CDK14: variants seen among roughly 807,000 people sequenced by gnomAD.
CDK14 encodes cyclin-dependent kinase 14.
A neutral mutation model predicts 60.7 loss-of-function variants in CDK14; 34 were observed. The observed-to-expected ratio is 0.56, with a 90% CI of 0.43 to 0.75. CDK14 has a LOEUF of 0.75. Among genes scored for constraint, CDK14 ranks in the 30% least tolerant of loss-of-function variants. The probability of loss-of-function intolerance (pLI) is 0.00; values close to 1 mark genes in which losing one functional copy is unlikely to be tolerated. For missense variants in CDK14, 482 were observed against 564.1 expected, an observed-to-expected ratio of 0.85 and a Z score of 1.47; for synonymous variants, 197 against 203.7, an observed-to-expected ratio of 0.97 and a Z score of 0.28.
chr7:90,918,944 A>C (rs770127205), intron 8 of CDK14, among the ~76,000 whole-genome samples: 12 of 152,330 alleles, frequency 7.9e-5, no homozygotes, highest in Non-Finnish European at 1.8e-4. Flanking sequence ...TACTTTGATA[A>C]AAATGATGAA....
intron 3 of CDK14, among the ~76,000 whole-genome samples, chr7:90,736,778 T>C (rs1803132548): frequency 6.6e-6 from 1 of 152,120 alleles, no homozygotes; most frequent in Non-Finnish European, 1.5e-5. Flanking sequence ...GGAAATACTG[T>C]GGTAGAAACT....
At chr7:90,681,456 C>T (rs540280060) in intron 2 of CDK14, among the ~76,000 whole-genome samples, 5 of 152,256 alleles carry the variant, frequency 3.3e-5, no homozygotes, top group Admixed American at 2.6e-4. Context: ...ATGGGATGAA[C>T]GGGTCCTTTA....
At chr7:90,732,586 G>T (rs1489296498) in intron 3 of CDK14, among the ~76,000 whole-genome samples, 1 of 152,144 alleles carries the variant, frequency 6.6e-6, no homozygotes, top group African/African-American at 2.4e-5. Context: ...TATGTGTCCA[G>T]GAATTTATCC....
intron 12 of CDK14, among the ~76,000 whole-genome samples, chr7:91,105,044 A>G (rs1799247461): frequency 6.6e-6 from 1 of 152,232 alleles, no homozygotes; most frequent in Admixed American, 6.5e-5. Flanking sequence ...TCCTAGTACT[A>G]AAAGTCACCT....
At chr7:91,095,976 T>A (rs1798971530) in intron 12 of CDK14, among the ~76,000 whole-genome samples, 1 of 143,026 alleles carries the variant, frequency 7.0e-6, no homozygotes, top group African/African-American at 2.6e-5. Context: ...TGTACAATAT[T>A]ATGAATGTAA....
chr7:91,129,348 A>G (rs1056012595), intron 14 of CDK14, among the ~76,000 whole-genome samples: 1 of 152,166 alleles, frequency 6.6e-6, no homozygotes, highest in Non-Finnish European at 1.5e-5. Flanking sequence ...GAGGGGGCGG[A>G]AAAAGCTTCA....
intron 5 of CDK14, among the ~76,000 whole-genome samples, chr7:90,853,224 TAATGAAAA>T (rs1296488166): frequency 1.3e-5 from 2 of 152,162 alleles, no homozygotes. Flanking sequence ...AGTTCATTAA[TAATGAAAA>T]ACTTTGTTGG....
At chr7:91,111,473 G>C (rs1293352815) in intron 12 of CDK14, among the ~76,000 whole-genome samples, 2 of 152,200 alleles carry the variant, frequency 1.3e-5, no homozygotes, top group African/African-American at 4.8e-5. Context: ...TCAGAAACTG[G>C]AGAATCCATT....
chr7:90,965,901 C>T (rs1033957540), intron 9 of CDK14, among the ~76,000 whole-genome samples: 2 of 152,106 alleles, frequency 1.3e-5, no homozygotes, highest in Non-Finnish European at 2.9e-5. Flanking sequence ...ACTTCTCGAT[C>T]ATTTGTGTGC....
intron 4 of CDK14, among the ~76,000 whole-genome samples, chr7:90,752,184 A>ATC (rs1274846617): frequency 1.3e-5 from 2 of 152,186 alleles, no homozygotes; most frequent in African/African-American, 4.8e-5. Context: ...CCTAATAGGC[A>ATC]TCTACAGGAT....
intron 14 of CDK14, among the ~76,000 whole-genome samples, chr7:91,198,782 C>T (rs989221887): frequency 2.0e-5 from 3 of 152,246 alleles, no homozygotes; most frequent in Non-Finnish European, 4.4e-5. Context: ...GTTTGGAATT[C>T]GAAACCCTAA....
At chr7:90,893,377 T>A (rs1181312560) in intron 6 of CDK14, among the ~76,000 whole-genome samples, 5 of 152,068 alleles carry the variant, frequency 3.3e-5, no homozygotes, top group Non-Finnish European at 5.9e-5. Flanking sequence ...TTACCAGGGG[T>A]CTAGTCTATA....
chr7:90,807,693 A>G (rs1056779323), intron 5 of CDK14, among the ~76,000 whole-genome samples: 9 of 152,204 alleles, frequency 5.9e-5, no homozygotes, highest in Non-Finnish European at 5.9e-5. Context: ...GTCCGAACCC[A>G]TGGCAAAGAA....
At chr7:90,943,124 C>T (rs941341620) in intron 8 of CDK14, among the ~76,000 whole-genome samples, 2 of 152,164 alleles carry the variant, frequency 1.3e-5, no homozygotes, top group African/African-American at 2.4e-5. Flanking sequence ...AACACATCTA[C>T]GTATAATAAT....
chr7:90,767,459 C>G (rs1015025272), intron 4 of CDK14, among the ~76,000 whole-genome samples: 1 of 152,132 alleles, frequency 6.6e-6, no homozygotes, highest in Non-Finnish European at 1.5e-5. Flanking sequence ...GAAATCATAG[C>G]TATTTTCCCC....
At chr7:90,718,367 T>C (rs951921359) in intron 2 of CDK14, among the ~76,000 whole-genome samples, 1 of 152,058 alleles carries the variant, frequency 6.6e-6, no homozygotes, top group African/African-American at 2.4e-5. Flanking sequence ...CACAAAGAAG[T>C]GAATTTATGT....
At chr7:90,782,379 T>C (rs945468425) in intron 4 of CDK14, among the ~76,000 whole-genome samples, 2 of 152,156 alleles carry the variant, frequency 1.3e-5, no homozygotes, top group African/African-American at 2.4e-5. Context: ...CAATTTGACT[T>C]CCTCTTTTCC....
intron 14 of CDK14, among the ~76,000 whole-genome samples, chr7:91,166,268 T>C (rs1363836144): frequency 6.6e-6 from 1 of 152,242 alleles, no homozygotes; most frequent in African/African-American, 2.4e-5. Flanking sequence ...TTGAGCCTGC[T>C]GTCTTTACAG....
chr7:91,036,730 T>C (rs186111217), intron 10 of CDK14, among the ~76,000 whole-genome samples: 191 of 152,300 alleles, frequency 1.3e-3, no homozygotes, highest in South Asian at 5.6e-3. Context: ...ATATAATAAA[T>C]ATAACATATA....
Sources: allele counts gnomAD v4.1 joint callset (sites outside exome capture counted in the v4.1 genomes callset), GRCh38; gene constraint gnomAD v4.1.1; transcripts MANE v1.5; gene names NCBI Gene and HGNC (gene_info 2026-07-23, HGNC 2026-07-21).